The following ANKRD30A variants were observed in gnomAD, a reference collection of about 807,000 sequenced individuals.
ANKRD30A encodes ankyrin repeat domain-containing protein 30A.
ANKRD30A carries 170 observed loss-of-function variants against 166.3 expected under a neutral mutation model. The observed-to-expected ratio is 1.02, with a 90% confidence interval of 0.90 to 1.16. ANKRD30A has a LOEUF of 1.16. Among genes scored for constraint, ANKRD30A ranks in the 50% most tolerant of loss-of-function variants. ANKRD30A has a pLI of 0.00. For missense variants in ANKRD30A, 1,630 were observed against 1,518.0 expected (o/e 1.07, Z -1.23); for synonymous variants, 564 against 508.9 (o/e 1.11, Z -1.46).
At chr10:37,260,021 A>G in the ANKRD30A span, among the ~76,000 whole-genome samples, 1 of 152,134 alleles carries the variant, frequency 6.6e-6, no homozygotes, top group Non-Finnish European at 1.5e-5. Flanking sequence ...GAGCTGAAGA[A>G]ACATGAGTGG....
chr10:37,234,371 C>T (rs985553422), downstream of ANKRD30A, among the ~76,000 whole-genome samples: 1 of 151,952 alleles, frequency 6.6e-6, no homozygotes, highest in African/African-American at 2.4e-5. Context: ...TCATTGGATC[C>T]TTTTGCATAC....
Position 37,149,777 on chromosome 10 carries a change from C to T in ANKRD30A, c.1573C>T (p.Pro525Ser). The change falls in exon 11 of 36, where the codon CCT becomes TCT. Residue 525 changes from proline to serine, a missense_variant and splice_region_variant. Around this residue, in one of 4 missense-constraint regions of ANKRD30A, gnomAD observed 904 missense variants for 818.5 expected, o/e 1.10. Coordinates refer to ENST00000361713, the MANE Select transcript of ANKRD30A (RefSeq NM_052997.3). ...TCATTTTGCTTCCAACCCCATTTAG[C>T]CTGCCATTGAAATGCAAAACTCTGT... Reference protein sequence around the residue: ...EPPKKPSAFKPAIEMQNSVPN... With the variant: ...EPPKKPSAFKSAIEMQNSVPN... The T allele has an allele frequency of 1.9e-6, 3 of 1,612,928 alleles. No homozygotes were observed. Among genetic ancestry groups the T allele is most frequent in the Non-Finnish European group, 2.5e-6 (3 of 1,179,150 alleles).
chr10:37,253,418 C>G, the ANKRD30A span, among the ~76,000 whole-genome samples: 2 of 152,114 alleles, frequency 1.3e-5, no homozygotes, highest in East Asian at 3.9e-4. Flanking sequence ...TAGAATTGTA[C>G]AACCATTACT....
downstream of ANKRD30A, among the ~76,000 whole-genome samples, chr10:37,233,412 C>T (rs1029368362): frequency 1.3e-5 from 2 of 151,822 alleles, no homozygotes; most frequent in South Asian, 4.2e-4. Context: ...TGTTTTTTTC[C>T]AGAATAATCA....
At chr10:37,195,088 AC>A (rs1840969001) in intron 27 of ANKRD30A, among the ~76,000 whole-genome samples, 1 of 152,144 alleles carries the variant, frequency 6.6e-6, no homozygotes. Flanking sequence ...CATTATGTGA[AC>A]TATTAGGCCC....
At chr10:37,238,904 G>A in the ANKRD30A span, among the ~76,000 whole-genome samples, 1 of 152,132 alleles carries the variant, frequency 6.6e-6, no homozygotes, top group South Asian at 2.1e-4. Flanking sequence ...TACCAGGCAT[G>A]TCTGTAACAT....
chr10:37,161,019 C>T (rs1838813232), intron 15 of ANKRD30A, among the ~76,000 whole-genome samples: 2 of 152,122 alleles, frequency 1.3e-5, no homozygotes, highest in Admixed American at 6.5e-5. Context: ...GTTGGGAGGC[C>T]GTGACTGGCA....
intron 7 of ANKRD30A, among the ~76,000 whole-genome samples, chr10:37,143,996 T>C (rs1455986625): frequency 6.7e-6 from 1 of 149,638 alleles, no homozygotes; most frequent in East Asian, 2.0e-4. Context: ...GTAAAAAGAG[T>C]CAAGTTCAGA....
At chr10:37,208,493 G>T (rs1470323178) in intron 31 of ANKRD30A, among the ~76,000 whole-genome samples, 1 of 152,070 alleles carries the variant, frequency 6.6e-6, no homozygotes, top group East Asian at 1.9e-4. Flanking sequence ...TTGTTGGCTG[G>T]GAGGTTGCAC....
At position 37,201,354 on chromosome 10, in the gene ANKRD30A, A is replaced by G. The variant is rs777706171; in HGVS notation, c.2869+29A>G. ...AGAACCATCTTTTATTTAAAAGGTC[A>G]TTTGACCAAGTATTTCTCTAAAATG... On this transcript the variant is annotated intron_variant, in intron 31 of 35. Transcript: ENST00000361713. 4 of 1,481,828 alleles carry G rather than the reference A, an allele frequency of 2.7e-6. No individual in the cohort carries two copies. The South Asian group carries it at 3.7e-5, about 14-fold the overall frequency. 91.8% of individuals were successfully genotyped at this position (1,481,828 alleles called of 1,614,324 possible).
At chr10:37,246,148 C>T in the ANKRD30A span, among the ~76,000 whole-genome samples, 1 of 152,168 alleles carries the variant, frequency 6.6e-6, no homozygotes, top group Non-Finnish European at 1.5e-5. Flanking sequence ...ATCACTGGAG[C>T]TACCATTATA....
chr10:37,134,761 G>T (rs1375043031), intron 5 of ANKRD30A, among the ~76,000 whole-genome samples: 2 of 152,166 alleles, frequency 1.3e-5, no homozygotes, highest in Non-Finnish European at 2.9e-5. Flanking sequence ...CCTGGACTTG[G>T]CCTAGACCTT....
chr10:37,253,442 G>A, the ANKRD30A span, among the ~76,000 whole-genome samples: 1 of 151,938 alleles, frequency 6.6e-6, no homozygotes, highest in Non-Finnish European at 1.5e-5. Flanking sequence ...ATCCATTATA[G>A]AATATTTTTA....
At chr10:37,143,743 T>G (rs936583103) in intron 7 of ANKRD30A, among the ~76,000 whole-genome samples, 4 of 151,354 alleles carry the variant, frequency 2.6e-5, no homozygotes, top group Non-Finnish European at 5.9e-5. Flanking sequence ...AGATAATGTG[T>G]GAGCAAACAG....
In ANKRD30A at chr10:37,231,672, T is replaced by A; in HGVS notation, c.*203T>A. 2.7e-6 allele frequency: 1 copy of A among 373,270 alleles called. No homozygotes were observed. The allele number at this position is 373,270 out of a possible 1,614,324, so 23.1% of individuals were successfully genotyped here. ...ATAAAATAACAGTGTGAAGAATTAC[T>A]TGTTCACGGTTAGTTATATTATCTG... is the stretch of plus-strand genomic sequence containing the variant. On this transcript the variant is annotated 3_prime_UTR_variant, in exon 35 of 36. Transcript: ENST00000361713.
rs1470764075 is a variant in ANKRD30A at position 37,193,369 on chromosome 10, A to G, written c.2614+111A>G. The G allele has an allele frequency of 4.7e-6, 6 of 1,290,162 alleles. No individual in the cohort carries two copies. The Admixed American group carries it at 1.5e-4, about 31-fold the overall frequency. 79.9% of individuals were successfully genotyped at this position (1,290,162 alleles called of 1,614,324 possible). Reference sequence around the variant, plus strand: ...TTTTCTATTCATAATTTGATGGGAAATTTCGATACAAATAATGCCAATGTG... The same window carrying G: ...TTTTCTATTCATAATTTGATGGGAAGTTTCGATACAAATAATGCCAATGTG... On this transcript the variant is annotated intron_variant, in intron 27 of 35. Transcript: ENST00000361713.
chr10:37,196,903 T>A (rs1265141197), intron 27 of ANKRD30A, among the ~76,000 whole-genome samples: 10 of 152,176 alleles, frequency 6.6e-5, no homozygotes, highest in Non-Finnish European at 1.5e-5. Flanking sequence ...CATGTACCTT[T>A]CCGAAGATAG....
chr10:37,248,506 C>G, the ANKRD30A span, among the ~76,000 whole-genome samples: 199 of 152,232 alleles, frequency 1.3e-3, no homozygotes, highest in Admixed American at 4.8e-3. Flanking sequence ...CCCCTGAGGT[C>G]AATGTGGGCA....
At chr10:37,265,431 G>C in the ANKRD30A span, among the ~76,000 whole-genome samples, 1 of 152,140 alleles carries the variant, frequency 6.6e-6, no homozygotes, top group Non-Finnish European at 1.5e-5. Flanking sequence ...CTGTATTTAG[G>C]GACCTCTGCA....
Sources: allele counts gnomAD v4.1 joint callset (sites outside exome capture counted in the v4.1 genomes callset), GRCh38; gene constraint gnomAD v4.1.1; regional missense constraint gnomAD v4.1.1; transcripts MANE v1.5; gene names NCBI Gene and HGNC (gene_info 2026-07-23, HGNC 2026-07-21).